ZC2HC1B: variants seen among roughly 807,000 people sequenced by gnomAD.
ZC2HC1B encodes zinc finger C2HC-type containing 1B, also known as zinc finger C2HC domain-containing protein 1B.
In ZC2HC1B, 36 loss-of-function variants were observed where a neutral mutation model predicts 31.0. That is an observed-to-expected ratio of 1.16 (90% confidence interval 0.89 to 1.54). The LOEUF (loss-of-function observed/expected upper bound fraction) is 1.54, where lower values mean the gene tolerates loss of function less well. ZC2HC1B is among the 40% of genes most tolerant of loss of function. The pLI, the probability that ZC2HC1B is intolerant of heterozygous loss-of-function variation, is 0.00. For missense variants in ZC2HC1B, 260 were observed against 268.6 expected (o/e 0.97, Z 0.22); for synonymous variants, 73 against 88.0 (o/e 0.83, Z 0.95).
At chr6:143,881,168 G>A (rs1475620742) in intron 1 of ZC2HC1B, among the ~76,000 whole-genome samples, 4 of 152,214 alleles carry the variant, frequency 2.6e-5, no homozygotes, top group African/African-American at 9.6e-5. Flanking sequence ...AATAAGTTGT[G>A]CAGGTGAAAT....
intron 4 of ZC2HC1B, among the ~76,000 whole-genome samples, chr6:143,896,915 C>T (rs1777672687): frequency 6.6e-6 from 1 of 152,022 alleles, no homozygotes. Context: ...ATGCTTACTC[C>T]TTGATTTCAG....
In ZC2HC1B at chr6:143,921,478, G is replaced by C. The variant is rs956094414; in HGVS notation, c.599-16171G>C. Among the ~76,000 whole-genome samples, 1 of 152,160 alleles carries C rather than the reference G, an allele frequency of 6.6e-6. No individual in the cohort carries two copies. The highest frequency in any genetic ancestry group is 1.5e-5 in the Non-Finnish European group (1 of 68,016). On this transcript the variant is annotated intron_variant, in intron 6 of 7. Transcript: ENST00000237275. The surrounding 1 kb of genome is among the most constrained non-coding windows in gnomAD (Gnocchi z 6.1). Reference sequence around the variant, plus strand: ...AATACTTGTTGAATGAAATGTATGAGGAGAAGTGGAAATCTTGATTCTATC... The same window carrying C: ...AATACTTGTTGAATGAAATGTATGACGAGAAGTGGAAATCTTGATTCTATC...
chr6:143,893,577 A>C (rs961637606), intron 4 of ZC2HC1B, among the ~76,000 whole-genome samples: 2 of 152,178 alleles, frequency 1.3e-5, no homozygotes, highest in Non-Finnish European at 2.9e-5. Context: ...AAAACAAAGA[A>C]GAAAAAGACT....
chr6:143,898,831 T>G lies in ZC2HC1B; in HGVS notation c.489+140T>G, dbSNP rs963600219. 5.1e-5 allele frequency: 57 copies of G among 1,112,294 alleles called. No homozygotes were observed. In the African/African-American group the frequency reaches 8.2e-4, roughly 16 times the overall value. 68.9% of individuals were successfully genotyped at this position (1,112,294 alleles called of 1,614,324 possible). A position where few individuals can be genotyped will look rare whatever the true frequency, so the allele number is the denominator to read the frequency against. Reference sequence around the variant, plus strand: ...AGCTGATCATGATTGCTCACCCCTGTGGGAGCTGACTTCTTTTGCAGGAGA... The same window carrying G: ...AGCTGATCATGATTGCTCACCCCTGGGGGAGCTGACTTCTTTTGCAGGAGA... On this transcript the variant is annotated intron_variant, in intron 5 of 7. Transcript: ENST00000237275.
chr6:143,936,014 A>G lies in ZC2HC1B; in HGVS notation c.599-1635A>G, dbSNP rs576199348. Among the ~76,000 whole-genome samples the G allele has an allele frequency of 4.1e-4, 63 of 152,226 alleles. 1 individual carries two copies. The South Asian group carries it at 7.9e-3, about 19-fold the overall frequency. ...TAAATCTAGTTGTTGTCTTTCATCT[A>G]GATAGCAGTTAGCCTCCTAAAACTC... On this transcript the variant is annotated intron_variant, in intron 6 of 7. Coordinates refer to ENST00000237275, the MANE Select transcript of ZC2HC1B (RefSeq NM_001013623.3).
At chr6:143,932,657 CAG>C (rs1778133648) in intron 6 of ZC2HC1B, among the ~76,000 whole-genome samples, 1 of 152,184 alleles carries the variant, frequency 6.6e-6, no homozygotes, top group African/African-American at 2.4e-5. Context: ...CTTTATCTGG[CAG>C]TTCAGAGATT....
chr6:143,890,992 G>T (rs1433827011), intron 4 of ZC2HC1B, among the ~76,000 whole-genome samples: 1 of 151,756 alleles, frequency 6.6e-6, no homozygotes, highest in African/African-American at 2.4e-5. Context: ...TTAGCCGGGT[G>T]CAGTGGTGGG....
chr6:143,916,306 A>G (rs774911141), intron 6 of ZC2HC1B, among the ~76,000 whole-genome samples: 23 of 152,250 alleles, frequency 1.5e-4, no homozygotes, highest in Non-Finnish European at 3.2e-4. Flanking sequence ...TCTAGATTTC[A>G]GAAGATGTAT....
intron 6 of ZC2HC1B, among the ~76,000 whole-genome samples, chr6:143,929,605 T>G (rs369156228): frequency 5.9e-5 from 9 of 152,140 alleles, no homozygotes; most frequent in East Asian, 1.9e-4. Flanking sequence ...TAGGGAAGAG[T>G]CCCTCCTCTT....
rs1777516830 is a variant in ZC2HC1B, at chr6:143,885,166, A to T, written c.90+801A>T. Among the ~76,000 whole-genome samples, 1 of 152,214 alleles carries T rather than the reference A, an allele frequency of 6.6e-6. No individual in the cohort carries two copies. The highest frequency in any genetic ancestry group is 2.4e-5 in the African/African-American group (1 of 41,462). ...AGCCTGACTATGTTTTGGACAAAAG[A>T]CTATAAAATGAGGTTGTAGGTTTTA... On this transcript the variant is annotated intron_variant, in intron 2 of 7. Coordinates refer to ENST00000237275, the MANE Select transcript of ZC2HC1B (RefSeq NM_001013623.3). The surrounding 1 kb of genome is among the most constrained non-coding windows in gnomAD (Gnocchi z 4.2).
chr6:143,877,139 C>T (rs1045918861), intron 1 of ZC2HC1B, among the ~76,000 whole-genome samples: 42 of 149,724 alleles, frequency 2.8e-4, no homozygotes, highest in Non-Finnish European at 4.4e-4. Context: ...GGAGTAGACC[C>T]GTCTGGACTG....
intron 6 of ZC2HC1B, among the ~76,000 whole-genome samples, chr6:143,919,422 T>C (rs1193944976): frequency 6.6e-6 from 1 of 152,132 alleles, no homozygotes; most frequent in Non-Finnish European, 1.5e-5. Flanking sequence ...TTTTAATGTC[T>C]AGTTTCCAAA....
chr6:143,910,587 T>C (rs1180945029), intron 6 of ZC2HC1B, among the ~76,000 whole-genome samples: 1 of 152,236 alleles, frequency 6.6e-6, no homozygotes, highest in Admixed American at 6.5e-5. Flanking sequence ...CCACTATTAC[T>C]ATTTGCAAGT....
intron 1 of ZC2HC1B, among the ~76,000 whole-genome samples, chr6:143,879,823 G>GGTTTT (rs1491086540): frequency 9.9e-6 from 1 of 101,268 alleles, no homozygotes; most frequent in Admixed American, 1.0e-4. Context: ...AGTTGTCCCT[G>GGTTTT]ATTTTTTTTT....
At chr6:143,927,978 TTTG>T (rs1002557670) in intron 6 of ZC2HC1B, among the ~76,000 whole-genome samples, 5 of 152,182 alleles carry the variant, frequency 3.3e-5, no homozygotes, top group Admixed American at 6.5e-5. Flanking sequence ...CCTAATGCTT[TTTG>T]TTGTTGTTGA....
intron 6 of ZC2HC1B, among the ~76,000 whole-genome samples, chr6:143,909,841 TAA>T (rs1777838540): frequency 1.3e-5 from 2 of 152,324 alleles, no homozygotes; most frequent in South Asian, 4.1e-4. Context: ...TCTGTCTTAT[TAA>T]TCTTAAAAAA....
chr6:143,902,958 A>T, intron 5 of ZC2HC1B, 86 bp from the exon 6 acceptor site: 1 of 1,237,314 alleles, frequency 8.1e-7, no homozygotes, highest in Non-Finnish European at 1.1e-6. Flanking sequence ...GCTGCTGGTT[A>T]AGTGGGAACA....
At position 143,884,592 on chromosome 6, in the gene ZC2HC1B, A is replaced by T. The variant is rs1777508340; in HGVS notation, c.90+227A>T. Among the ~76,000 whole-genome samples, 1 of 152,218 alleles carries T rather than the reference A, an allele frequency of 6.6e-6. No individual in the cohort carries two copies. The highest frequency in any genetic ancestry group is 2.4e-5 in the African/African-American group (1 of 41,458). On this transcript the variant is annotated intron_variant, in intron 2 of 7. Coordinates refer to ENST00000237275, the MANE Select transcript of ZC2HC1B (RefSeq NM_001013623.3). The surrounding 1 kb of genome is among the most constrained non-coding windows in gnomAD (Gnocchi z 5.1). The stretch of plus-strand genomic sequence containing the variant: ...CATGGTCCTCCTGAAATGATGCCAG[A>T]TGGAAGTCTCTTGGCATCGTCAATG...
chr6:143,889,302 G>A (rs1327495991), intron 4 of ZC2HC1B, among the ~76,000 whole-genome samples: 3 of 151,978 alleles, frequency 2.0e-5, no homozygotes, highest in South Asian at 2.1e-4. Flanking sequence ...GGCACAAAGA[G>A]CAAGGTGGGA....
Sources: allele counts gnomAD v4.1 joint callset (sites outside exome capture counted in the v4.1 genomes callset), GRCh38; gene constraint gnomAD v4.1.1; non-coding constraint Gnocchi (gnomAD v3.1); transcripts MANE v1.5; gene names NCBI Gene and HGNC (gene_info 2026-07-23, HGNC 2026-07-21).